The following PRTG variants were observed in gnomAD, a reference collection of about 807,000 sequenced individuals.
PRTG encodes protogenin, also known as immunoglobulin superfamily, DCC subclass, member 5.
PRTG carries 67 observed loss-of-function variants against 122.5 expected under a neutral mutation model. That is an observed-to-expected ratio of 0.55 (90% CI 0.45 to 0.67). The LOEUF (loss-of-function observed/expected upper bound fraction) is 0.67, where lower values mean the gene tolerates loss of function less well. PRTG is among the 30% of genes least tolerant of loss of function. PRTG has a pLI of 0.00. For synonymous variants in PRTG, 554 were observed against 501.1 expected (o/e 1.11, Z -1.41); for missense variants, 1,435 against 1,415.4 (o/e 1.01, Z -0.22).
chr15:55,670,958 G>T (rs1595635761), intron 11 of PRTG, among the ~76,000 whole-genome samples: 1 of 148,072 alleles, frequency 6.8e-6, no homozygotes, highest in Non-Finnish European at 1.5e-5. Flanking sequence ...CACACACTTT[G>T]TGTGTGCACA....
At chr15:55,720,425 A>G (rs1369766912) in intron 2 of PRTG, among the ~76,000 whole-genome samples, 1 of 152,174 alleles carries the variant, frequency 6.6e-6, no homozygotes, top group Non-Finnish European at 1.5e-5. Context: ...TTTCTAAGGA[A>G]ACTGCTTTAA....
At chr15:55,650,916 G>A (rs2059349997) in intron 11 of PRTG, among the ~76,000 whole-genome samples, 1 of 152,098 alleles carries the variant, frequency 6.6e-6, no homozygotes, top group Non-Finnish European at 1.5e-5. Context: ...GTAGTGAGCT[G>A]TGATCCCACC....
chr15:55,696,959 T>A (rs1178995228), intron 2 of PRTG, among the ~76,000 whole-genome samples: 2 of 152,246 alleles, frequency 1.3e-5, no homozygotes, highest in East Asian at 3.8e-4. Flanking sequence ...GTGCCCTACA[T>A]GCAAAGTTTC....
At chr15:55,737,973 C>T (rs1242192099) in intron 2 of PRTG, among the ~76,000 whole-genome samples, 2 of 108,684 alleles carry the variant, frequency 1.8e-5, no homozygotes, top group African/African-American at 7.5e-5. Context: ...CACTTAATGC[C>T]TATTCTCTCT....
Position 55,714,351 on chromosome 15 carries a change from C to A in PRTG, c.397+26031G>T, listed in dbSNP as rs546144984. On this transcript the variant is annotated intron_variant, in intron 2 of 19. Transcript: ENST00000389286. ...AAGTGATTCTCTCATCTCAGTCTCC[C>A]GGGTAGCTGGGACTACAGATGTGCA... Among the ~76,000 whole-genome samples the A allele has an allele frequency of 4.9e-4, 74 of 151,984 alleles. 1 individual carries two copies. In the South Asian group the frequency reaches 9.2e-3, roughly 19 times the overall value.
chr15:55,734,002 G>T (rs1287644118), intron 2 of PRTG, among the ~76,000 whole-genome samples: 3 of 152,122 alleles, frequency 2.0e-5, no homozygotes, highest in Non-Finnish European at 4.4e-5. Flanking sequence ...GAAACATCAG[G>T]GATTCTCAAT....
intron 12 of PRTG, 87 bp from the exon 13 acceptor site, chr15:55,639,915 C>T (rs1289892531): frequency 3.3e-6 from 5 of 1,520,332 alleles, no homozygotes; most frequent in Non-Finnish European, 4.4e-6. Flanking sequence ...AATATCCCAC[C>T]CTATAAGTTG....
intron 6 of PRTG, 119 bp from the exon 7 acceptor site, chr15:55,679,564 G>T: frequency 1.4e-6 from 1 of 707,310 alleles, no homozygotes; most frequent in Non-Finnish European, 2.3e-6. Flanking sequence ...GACATGCTGA[G>T]CTCCTGTCTA....
chr15:55,738,023 TATACACACACAC>T (rs2031483167), intron 2 of PRTG, among the ~76,000 whole-genome samples: 1 of 96,198 alleles, frequency 1.0e-5, no homozygotes, highest in Non-Finnish European at 2.0e-5. Context: ...TATATATATA[TATACACACACAC>T]ACACACACAC....
At position 55,742,873 on chromosome 15, in the gene PRTG, G is replaced by A; in HGVS notation, c.59C>T (p.Ala20Val). Residue 20 changes from alanine to valine, a missense_variant, in exon 1 of 20, where the codon GCG becomes GTG. By Grantham distance (64) the Ala-to-Val change is moderately conservative. Coordinates refer to ENST00000389286, the MANE Select transcript of PRTG (RefSeq NM_173814.6). ...RLRPPGMLLR[A>V]LLLLLLLSPL... ...ACTGAGCAGCAGCAGGAGCAGGAGCGCGCGGAGCAGCATCCCCGGCGGTCG... is the reference window on the plus strand; with the variant it reads ...ACTGAGCAGCAGCAGGAGCAGGAGCACGCGGAGCAGCATCCCCGGCGGTCG... The A allele has an allele frequency of 6.5e-7, 1 of 1,536,360 alleles. No homozygotes were observed. Among genetic ancestry groups the A allele is most frequent in the Non-Finnish European group, 8.8e-7 (1 of 1,140,518 alleles).
chr15:55,634,638 C>T (rs1032468594), intron 15 of PRTG, among the ~76,000 whole-genome samples: 1 of 151,682 alleles, frequency 6.6e-6, no homozygotes, highest in African/African-American at 2.4e-5. Flanking sequence ...CTCAGGAGTT[C>T]GAGACCAGCC....
At chr15:55,666,020 A>C (rs1045257701) in intron 11 of PRTG, among the ~76,000 whole-genome samples, 2 of 152,236 alleles carry the variant, frequency 1.3e-5, no homozygotes, top group Non-Finnish European at 2.9e-5. Context: ...GCAGAGTTGA[A>C]TACTTGTGAA....
Position 55,729,514 on chromosome 15 carries a change from C to T in PRTG, c.397+10868G>A, listed in dbSNP as rs1348443907. Among the ~76,000 whole-genome samples, 3 of 152,010 alleles carry T rather than the reference C, an allele frequency of 2.0e-5. No homozygotes were observed. In the East Asian group the frequency reaches 5.8e-4, roughly 29 times the overall value. On this transcript the variant is annotated intron_variant, in intron 2 of 19. Transcript: ENST00000389286. Reference sequence around the variant, plus strand: ...AGGTGCACTGGCACACACCTATAATCCCAGCTACTCAGCAGACTGAGGCAG... The same window carrying T: ...AGGTGCACTGGCACACACCTATAATTCCAGCTACTCAGCAGACTGAGGCAG...
chr15:55,743,095 T>A lies in PRTG; in HGVS notation c.-164A>T. The A allele has an allele frequency of 7.8e-7, 1 of 1,279,944 alleles. No individual in the cohort carries two copies. Among genetic ancestry groups the A allele is most frequent in the Non-Finnish European group, 9.8e-7 (1 of 1,017,868 alleles). The allele number at this position is 1,279,944 out of a possible 1,614,324, so 79.3% of individuals were successfully genotyped here. On this transcript the variant is annotated 5_prime_UTR_variant, in exon 1 of 20. Coordinates refer to ENST00000389286, the MANE Select transcript of PRTG (RefSeq NM_173814.6). ...AGCGTCTCTGCGGCGGCGAGGCTGG[T>A]GCTCGGACGGCCGCTCGCGAGAAGC...
chr15:55,622,216 G>GT (rs35973280), intron 18 of PRTG, among the ~76,000 whole-genome samples: 19,738 of 113,350 alleles, frequency 0.17, 2,899 homozygotes, highest in African/African-American at 0.34. Flanking sequence ...ATTAGTACTT[G>GT]TTTTTTTTTT....
chr15:55,689,927 C>CAA lies in PRTG; in HGVS notation c.398-5998_398-5997dup, dbSNP rs970192491. The stretch of plus-strand genomic sequence containing the variant: ...TGGGTGACAGAGCAAGACTCCGTCT[C>CAA]AAAAAAAAAAAAAAGAGTAGTTAGG... On this transcript the variant is annotated intron_variant, in intron 2 of 19. Transcript: ENST00000389286. 1.1e-4 allele frequency among the ~76,000 whole-genome samples: 10 copies of CAA among 94,934 alleles called. No individual in the cohort carries two copies. In the South Asian group the frequency reaches 2.2e-3, roughly 21 times the overall value. The allele number at this position is 94,934 out of a possible 152,430, so 62.3% of individuals were successfully genotyped here. A position where few individuals can be genotyped will look rare whatever the true frequency, so the allele number is the denominator to read the frequency against.
At position 55,635,687 on chromosome 15, in the gene PRTG, C is replaced by T. The variant is rs574951849; in HGVS notation, c.2623+1483G>A. 1.4e-4 allele frequency among the ~76,000 whole-genome samples: 21 copies of T among 152,204 alleles called. 1 individual carries two copies. The highest frequency in any genetic ancestry group is 3.9e-4 in the Admixed American group (6 of 15,260). On this transcript the variant is annotated intron_variant, in intron 15 of 19. Transcript: ENST00000389286. ...CTTAATGAAAAATACGAACATGCAA[C>T]GATCAAAACTCCAGGTAAAGTCATC...
At chr15:55,727,221 T>C (rs572529380) in intron 2 of PRTG, among the ~76,000 whole-genome samples, 3 of 151,328 alleles carry the variant, frequency 2.0e-5, no homozygotes, top group Admixed American at 1.3e-4. Context: ...AATGAAAAAT[T>C]TGTTCATTTT....
intron 2 of PRTG, among the ~76,000 whole-genome samples, chr15:55,726,857 G>C (rs1433010336): frequency 1.3e-5 from 2 of 151,402 alleles, no homozygotes; most frequent in African/African-American, 4.8e-5. Flanking sequence ...TGAGGCAGGA[G>C]GACTGCTTGA....
Sources: allele counts gnomAD v4.1 joint callset (sites outside exome capture counted in the v4.1 genomes callset), GRCh38; gene constraint gnomAD v4.1.1; transcripts MANE v1.5; gene names NCBI Gene and HGNC (gene_info 2026-07-23, HGNC 2026-07-21).